Variants in LRRTM4 observed in about 807,000 individuals in gnomAD.
The protein encoded by LRRTM4 is leucine-rich repeat transmembrane neuronal protein 4.
Under a neutral mutation model 47.6 loss-of-function variants are expected in LRRTM4, and 25 were observed. The observed-to-expected ratio is 0.53, with a 90% CI of 0.38 to 0.73. LRRTM4 has a LOEUF of 0.73. LRRTM4 is among the 30% of genes least tolerant of loss of function. The pLI, the probability that LRRTM4 is intolerant of heterozygous loss-of-function variation, is 0.00. For synonymous variants in LRRTM4, 311 were observed against 269.5 expected (o/e 1.15, Z -1.51); for missense variants, 638 against 713.4 (o/e 0.89, Z 1.20).
At chr2:76,836,059 A>G (rs1573188276) in intron 3 of LRRTM4, among the ~76,000 whole-genome samples, 1 of 151,952 alleles carries the variant, frequency 6.6e-6, no homozygotes, top group African/African-American at 2.4e-5. Context: ...AGTTGAGAGA[A>G]GTCAAAATAA....
chr2:76,761,611 GTAATT>G (rs770236026), intron 3 of LRRTM4, among the ~76,000 whole-genome samples: 18 of 152,252 alleles, frequency 1.2e-4, no homozygotes, highest in Non-Finnish European at 2.1e-4. Context: ...CTTTTTGTAA[GTAATT>G]TAATTTACTG....
chr2:77,492,013 A>G (rs1446011065), intron 3 of LRRTM4, among the ~76,000 whole-genome samples: 2 of 97,786 alleles, frequency 2.0e-5, no homozygotes, highest in South Asian at 7.9e-4. Flanking sequence ...AAAACATAAT[A>G]TATCACTGAA....
intron 3 of LRRTM4, among the ~76,000 whole-genome samples, chr2:77,167,640 A>G (rs1672924817): frequency 6.6e-6 from 1 of 152,230 alleles, no homozygotes; most frequent in African/African-American, 2.4e-5. Context: ...TGATGAGTTC[A>G]TGCCCTTTGT....
chr2:76,991,886 A>C (rs979312848), intron 3 of LRRTM4, among the ~76,000 whole-genome samples: 1 of 151,918 alleles, frequency 6.6e-6, no homozygotes, highest in Non-Finnish European at 1.5e-5. Flanking sequence ...AAAATCATCA[A>C]CAAAATATTA....
chr2:77,437,613 CA>C (rs1675654344), intron 3 of LRRTM4, among the ~76,000 whole-genome samples: 1 of 151,880 alleles, frequency 6.6e-6, no homozygotes, highest in Admixed American at 6.6e-5. Flanking sequence ...CATTACTCTG[CA>C]AAAGTTATAA....
In LRRTM4 at chr2:76,930,966, T is replaced by C. The variant is rs145716126; in HGVS notation, c.1552-182050A>G. 6.1e-4 allele frequency among the ~76,000 whole-genome samples: 93 copies of C among 152,284 alleles called. 1 individual carries two copies. The East Asian group carries it at 0.018, about 29-fold the overall frequency. ...CAAAAAGAATATTTCACACCAGTCC[T>C]AGTGATGTTTATAAAACTGTGTCAG... On this transcript the variant is annotated intron_variant, in intron 3 of 3. Coordinates refer to ENST00000409884, the MANE Select transcript of LRRTM4 (RefSeq NM_001134745.3).
chr2:76,917,827 T>A (rs532477096), intron 3 of LRRTM4, among the ~76,000 whole-genome samples: 2 of 152,288 alleles, frequency 1.3e-5, no homozygotes, highest in African/African-American at 4.8e-5. Flanking sequence ...AAGTAAGTTA[T>A]ACCTCACTTC....
chr2:77,086,414 G>GTGTGTGTGTGTGTGTA (rs908181847), intron 3 of LRRTM4, among the ~76,000 whole-genome samples: 1 of 138,402 alleles, frequency 7.2e-6, no homozygotes, highest in African/African-American at 2.9e-5. Flanking sequence ...TTTTTAGTGT[G>GTGTGTGTGTGTGTGTA]TGTATGTGTG....
At chr2:77,493,184 T>G (rs986510372) in intron 3 of LRRTM4, among the ~76,000 whole-genome samples, 6 of 152,068 alleles carry the variant, frequency 3.9e-5, no homozygotes. Flanking sequence ...GTTAAATACG[T>G]TCATTATGCA....
Position 76,888,950 on chromosome 2 carries a change from A to G in LRRTM4, c.1552-140034T>C, listed in dbSNP as rs138684436. Among the ~76,000 whole-genome samples the G allele has an allele frequency of 2.3e-3, 344 of 152,032 alleles. 1 individual carries two copies. Among genetic ancestry groups the G allele is most frequent in the African/African-American group, 7.9e-3 (329 of 41,562 alleles). ...TGTTATGAATCTAAAGTTCCTATAT[A>G]AAACAGACATATTTCAACAAATAGC... is the stretch of plus-strand genomic sequence containing the variant. On this transcript the variant is annotated intron_variant, in intron 3 of 3. Coordinates refer to ENST00000409884, the MANE Select transcript of LRRTM4 (RefSeq NM_001134745.3).
chr2:76,873,533 T>TATATATATATACAC (rs1174673622), intron 3 of LRRTM4, among the ~76,000 whole-genome samples: 5 of 145,190 alleles, frequency 3.4e-5, no homozygotes, highest in Non-Finnish European at 7.5e-5. Context: ...TATATATATA[T>TATATATATATACAC]ACAACATAGT....
At chr2:76,928,198 T>C (rs1450472201) in intron 3 of LRRTM4, among the ~76,000 whole-genome samples, 1 of 152,210 alleles carries the variant, frequency 6.6e-6, no homozygotes, top group African/African-American at 2.4e-5. Context: ...TAGAATCACA[T>C]CTCATATCTG....
intron 3 of LRRTM4, among the ~76,000 whole-genome samples, chr2:76,826,787 C>T (rs1364407240): frequency 2.6e-5 from 4 of 151,778 alleles, no homozygotes; most frequent in East Asian, 1.9e-4. Context: ...GTACATTAAC[C>T]ATCCTCTCAA....
chr2:76,946,135 T>C (rs569126936), intron 3 of LRRTM4, among the ~76,000 whole-genome samples: 2 of 152,100 alleles, frequency 1.3e-5, no homozygotes, highest in Admixed American at 6.5e-5. Flanking sequence ...TTAAATGCTT[T>C]CCTGAAAGAA....
At chr2:76,905,874 T>A (rs1490878609) in intron 3 of LRRTM4, among the ~76,000 whole-genome samples, 2 of 152,148 alleles carry the variant, frequency 1.3e-5, no homozygotes, top group Admixed American at 6.5e-5. Context: ...ATCTGATTGG[T>A]GTACCTGAAA....
intron 3 of LRRTM4, among the ~76,000 whole-genome samples, chr2:76,964,669 C>G (rs1675966074): frequency 1.1e-5 from 1 of 88,066 alleles, no homozygotes; most frequent in Admixed American, 9.0e-5. Flanking sequence ...ATCTTCCTTA[C>G]TTTAGGAAAT....
chr2:77,079,013 T>G (rs919193457), intron 3 of LRRTM4, among the ~76,000 whole-genome samples: 1 of 152,214 alleles, frequency 6.6e-6, no homozygotes, highest in South Asian at 2.1e-4. Flanking sequence ...AATGCATTCA[T>G]ATAAGGACTA....
chr2:76,909,736 C>T (rs149040672), intron 3 of LRRTM4, among the ~76,000 whole-genome samples: 2,484 of 152,224 alleles, frequency 0.016, 102 homozygotes, highest in East Asian at 0.13. Context: ...CAAAAAAACA[C>T]ATGAAAAAAT....
At chr2:77,326,118 A>G (rs527421203) in intron 3 of LRRTM4, among the ~76,000 whole-genome samples, 1 of 152,342 alleles carries the variant, frequency 6.6e-6, no homozygotes, top group East Asian at 1.9e-4. Context: ...TCCAACAAAC[A>G]GATCTTACTA....
Sources: allele counts gnomAD v4.1 joint callset (sites outside exome capture counted in the v4.1 genomes callset), GRCh38; gene constraint gnomAD v4.1.1; transcripts MANE v1.5; gene names NCBI Gene and HGNC (gene_info 2026-07-23, HGNC 2026-07-21).